Variants in DNAH12 observed in about 807,000 individuals in gnomAD.
The protein encoded by DNAH12 is axonemal beta dynein heavy chain 12.
In DNAH12, 285 loss-of-function variants were observed where a neutral mutation model predicts 371.5. The observed-to-expected ratio is 0.77, with a 90% confidence interval of 0.70 to 0.85. The LOEUF (loss-of-function observed/expected upper bound fraction) is 0.85, where lower values mean the gene tolerates loss of function less well. Among genes scored for constraint, DNAH12 ranks in the 40% least tolerant of loss-of-function variants. DNAH12 has a pLI of 0.00. For synonymous variants in DNAH12, 1,200 were observed against 1,213.0 expected (o/e 0.99, Z 0.22); for missense variants, 3,611 against 3,689.4 (o/e 0.98, Z 0.55).
intron 60 of DNAH12, among the ~76,000 whole-genome samples, chr3:57,351,438 C>CT (rs2062672936): frequency 6.6e-6 from 1 of 152,172 alleles, no homozygotes; most frequent in Non-Finnish European, 1.5e-5. Context: ...AACGTGTGCA[C>CT]ATGTGCCCTC....
upstream of DNAH12, among the ~76,000 whole-genome samples, chr3:57,549,258 G>A (rs967328008): frequency 6.6e-6 from 1 of 151,510 alleles, no homozygotes; most frequent in Non-Finnish European, 1.5e-5. Context: ...GGCCACAGCT[G>A]TAATCCCAGC....
chr3:57,518,039 G>A (rs1010787137), intron 4 of DNAH12, among the ~76,000 whole-genome samples: 2 of 152,036 alleles, frequency 1.3e-5, no homozygotes, highest in African/African-American at 4.8e-5. Context: ...GGGTGACAGA[G>A]TGAGAAACTG....
At chr3:57,454,705 A>G (rs1327258222) in intron 23 of DNAH12, 70 bp downstream of exon 23, 1 of 1,521,812 alleles carries the variant, frequency 6.6e-7, no homozygotes, top group African/African-American at 1.4e-5. Context: ...TCTCATTTCT[A>G]AAAATAATAA....
chr3:57,549,803 T>C, the DNAH12 span, among the ~76,000 whole-genome samples: 1 of 151,878 alleles, frequency 6.6e-6, no homozygotes. Flanking sequence ...TTTGTATTTT[T>C]GGTAGAGACA....
intron 58 of DNAH12, among the ~76,000 whole-genome samples, chr3:57,362,430 A>T (rs2062957624): frequency 2.0e-5 from 3 of 152,234 alleles, no homozygotes; most frequent in Admixed American, 6.5e-5. Context: ...TAGATCCTTG[A>T]CAAAGTGCCA....
chr3:57,375,977 A>G lies in DNAH12; in HGVS notation c.8466-12T>C, dbSNP rs2063272552. The G allele has an allele frequency of 6.6e-6, 1 of 152,140 alleles. No individual in the cohort carries two copies. Among genetic ancestry groups the G allele is most frequent in the African/African-American group, 2.4e-5 (1 of 41,426 alleles). The allele number at this position is 152,140 out of a possible 1,614,324, so 9.4% of individuals were successfully genotyped here. A position where few individuals can be genotyped will look rare whatever the true frequency, so the allele number is the denominator to read the frequency against. On this transcript the variant is annotated splice_polypyrimidine_tract_variant and intron_variant, in intron 53 of 73. Transcript: ENST00000495027. ...CAGCTTGGGCCCATCTGTGCCATCA[A>G]CCAAAGGCAAAACAGATTTACAACA... is the stretch of plus-strand genomic sequence containing the variant.
At chr3:57,371,477 G>A (rs1180267450) in intron 55 of DNAH12, among the ~76,000 whole-genome samples, 7 of 151,802 alleles carry the variant, frequency 4.6e-5, no homozygotes. Flanking sequence ...AATTTAAAAG[G>A]GTAAATTTTA....
chr3:57,323,031 C>T lies in DNAH12; in HGVS notation c.10359G>A (p.Trp3453Ter), dbSNP rs1404328500. ...SETCNSSFRL[W>*]LTSYPSSKFP... ...CTTTTGAAGATGGATAGCTTGTCAG[C>T]CAAAGCCTAAAGGATGAGTTACAGG... The change falls in exon 64 of 74, where the codon TGG becomes TGA. Residue 3453 changes from tryptophan (W) to a stop codon, truncating the protein, a stop_gained. Transcript: ENST00000495027. LOFTEE classifies it high-confidence loss of function. The T allele has an allele frequency of 6.4e-7, 1 of 1,552,166 alleles. No homozygotes were observed.
At chr3:57,534,736 T>A (rs1291975024) in intron 2 of DNAH12, among the ~76,000 whole-genome samples, 2 of 152,158 alleles carry the variant, frequency 1.3e-5, no homozygotes, top group African/African-American at 2.4e-5. Context: ...CTCGAACTCC[T>A]GACCTCTGGT....
At position 57,403,476 on chromosome 3, in the gene DNAH12, T is replaced by C; in HGVS notation, c.6781A>G (p.Ile2261Val). ...CCAGATTGCTTTAGAACTCGACATA[T>C]TCTTGATAAATGTTCCAAAACATAC... ...FRYVLEHLSR[I>V]CRVLKQSGGN... is the part of the protein sequence containing the mutation. The change falls in exon 43 of 74, where the codon ATA becomes GTA. Residue 2261 changes from isoleucine (I) to valine (V), a missense_variant. Coordinates refer to ENST00000495027, the MANE Select transcript of DNAH12 (RefSeq NM_001366028.2). The C allele has an allele frequency of 6.5e-7, 1 of 1,549,272 alleles. No individual in the cohort carries two copies. Among genetic ancestry groups the C allele is most frequent in the Non-Finnish European group, 8.7e-7 (1 of 1,146,282 alleles).
chr3:57,343,491 A>T (rs534633623), intron 60 of DNAH12, among the ~76,000 whole-genome samples: 1 of 152,380 alleles, frequency 6.6e-6, no homozygotes, highest in East Asian at 1.9e-4. Context: ...TCAGCAAACC[A>T]GGGGCACAAT....
intron 2 of DNAH12, among the ~76,000 whole-genome samples, chr3:57,541,558 G>A (rs1359767141): frequency 6.6e-6 from 1 of 151,064 alleles, no homozygotes; most frequent in East Asian, 1.9e-4. Context: ...AGCGATGAGG[G>A]TCTCACTACC....
In DNAH12 at chr3:57,376,068, A is replaced by G. The variant is rs926236988; in HGVS notation, c.8466-103T>C. On this transcript the variant is annotated intron_variant, in intron 53 of 73. Transcript: ENST00000495027. The stretch of plus-strand genomic sequence containing the variant: ...CAGTCCAATTCTGTAACAAAAAGCT[A>G]TAAAATTTGGACACCTGCTTATCTG... 180 of 152,268 alleles carry G rather than the reference A, an allele frequency of 1.2e-3. 2 individuals are homozygous for G. Among genetic ancestry groups the G allele is most frequent in the African/African-American group, 3.7e-3 (155 of 41,564 alleles). The allele number at this position is 152,268 out of a possible 1,614,324, so 9.4% of individuals were successfully genotyped here.
rs527286521 is a variant in DNAH12 at position 57,514,940 on chromosome 3, T to A, written c.280-3961A>T. Among the ~76,000 whole-genome samples the A allele has an allele frequency of 2.6e-5, 4 of 152,248 alleles. No homozygotes were observed. In the South Asian group the frequency reaches 8.3e-4, roughly 32 times the overall value. On this transcript the variant is annotated intron_variant, in intron 4 of 73. Coordinates refer to ENST00000495027, the MANE Select transcript of DNAH12 (RefSeq NM_001366028.2). ...GGTTTGTTTTTCACAGTAGTATGAGTTAGCAATTTTGAAATTATTTATGTA... is the reference window on the plus strand; with the variant it reads ...GGTTTGTTTTTCACAGTAGTATGAGATAGCAATTTTGAAATTATTTATGTA...
chr3:57,525,984 A>C (rs537006127), intron 2 of DNAH12, among the ~76,000 whole-genome samples: 35 of 151,950 alleles, frequency 2.3e-4, no homozygotes, highest in African/African-American at 8.4e-4. Flanking sequence ...GCTGGTCTCA[A>C]ACTCCTGACC....
chr3:57,362,588 GGTTTT>G (rs2062960414), intron 58 of DNAH12, among the ~76,000 whole-genome samples: 1 of 152,134 alleles, frequency 6.6e-6, no homozygotes. Context: ...ATCTCATTGT[GGTTTT>G]GATTTGCATT....
intron 4 of DNAH12, among the ~76,000 whole-genome samples, chr3:57,516,333 A>C (rs777253770): frequency 1.3e-5 from 2 of 152,042 alleles, no homozygotes; most frequent in Non-Finnish European, 2.9e-5. Flanking sequence ...AAGTGCTGGG[A>C]TTACAGGCAT....
At chr3:57,442,987 C>T (rs1689874883) in intron 29 of DNAH12, among the ~76,000 whole-genome samples, 1 of 152,178 alleles carries the variant, frequency 6.6e-6, no homozygotes. Flanking sequence ...TCAAGAGAAT[C>T]TTCACTGTAC....
chr3:57,447,675 CATTTT>C (rs67316752), intron 25 of DNAH12, among the ~76,000 whole-genome samples: 64,014 of 151,426 alleles, frequency 0.42, 15,058 homozygotes, highest in South Asian at 0.57. Flanking sequence ...ATAGTTCATC[CATTTT>C]ATTTTATTTT....
Sources: gnomAD v4.1 joint callset for allele counts (sites outside exome capture counted in the v4.1 genomes callset) on GRCh38, gnomAD v4.1.1 for gene constraint, MANE v1.5 for transcripts, NCBI Gene and HGNC (gene_info 2026-07-23, HGNC 2026-07-21) for gene names.